IGLL5: variants seen among roughly 807,000 people sequenced by gnomAD.
IGLL5 encodes the protein immunoglobulin lambda-like polypeptide 5.
IGLL5 carries 30 observed loss-of-function variants against 20.9 expected under a neutral mutation model. The ratio of observed to expected loss-of-function variants is 1.44; its 90% CI spans 1.07 to 1.95. IGLL5 has a LOEUF of 1.95. IGLL5 is among the 30% of genes most tolerant of loss of function. IGLL5 has a pLI of 0.00. For synonymous variants in IGLL5, 203 were observed against 117.3 expected (o/e 1.73, Z -4.72); for missense variants, 475 against 270.7 (o/e 1.75, Z -5.30).
chr22:22,894,013 C>CGCCTTCA, intron 2 of IGLL5, among the ~76,000 whole-genome samples, 195 bp downstream of exon 2: 1 of 151,566 alleles, frequency 6.6e-6, no homozygotes, highest in South Asian at 2.1e-4. Context: ...TGGGAGCAGC[C>CGCCTTCA]GGATGCAGCC....
intron 1 of IGLL5, among the ~76,000 whole-genome samples, chr22:22,888,850 C>T (rs142142708): frequency 1.4e-4 from 21 of 151,318 alleles, no homozygotes; most frequent in Middle Eastern, 3.7e-3. Flanking sequence ...ATGTTTGGAG[C>T]AATAAAGGGA....
chr22:22,894,195 G>A (rs1601624418), intron 2 of IGLL5, among the ~76,000 whole-genome samples: 4 of 151,472 alleles, frequency 2.6e-5, no homozygotes, highest in East Asian at 2.0e-4. Context: ...GGGTGGGCCT[G>A]GGAGCTGCTG....
intron 1 of IGLL5, among the ~76,000 whole-genome samples, chr22:22,889,034 G>A (rs1601605725): frequency 1.3e-5 from 2 of 151,416 alleles, no homozygotes; most frequent in Admixed American, 6.6e-5. Context: ...TAGGGTCCGT[G>A]CACCATTCCC....
chr22:22,894,699 A>T (rs2066684349), intron 2 of IGLL5, among the ~76,000 whole-genome samples: 2 of 151,354 alleles, frequency 1.3e-5, no homozygotes, highest in Admixed American at 6.6e-5. Context: ...GCTGAGTCTC[A>T]TAGTCTGTGG....
chr22:22,888,200 C>G lies in IGLL5; in HGVS notation c.147C>G (p.Asp49Glu), dbSNP rs772823018. ...CAATGGTTGCACCGCAAAGCGGGGA[C>G]CCAGACCCTGGAGCCTCAGTTGGAA... ...LRPMVAPQSG[D>E]PDPGASVGSS... Residue 49 changes from aspartate (D) to glutamate (E), a missense_variant, in exon 1 of 3, where the codon GAC becomes GAG. Asp to Glu is a conservative substitution (Grantham distance 45). Coordinates refer to ENST00000526893, the MANE Select transcript of IGLL5 (RefSeq NM_001178126.2). 6.5e-7 allele frequency: 1 copy of G among 1,548,726 alleles called. No individual in the cohort carries two copies. The highest frequency in any genetic ancestry group is 2.0e-5 in the Admixed American group (1 of 50,808).
Position 22,888,057 on chromosome 22 carries a change from A to G in IGLL5, c.4A>G (p.Arg2Gly), listed in dbSNP as rs754569029. The G allele has an allele frequency of 1.3e-6, 2 of 1,549,136 alleles. No individual in the cohort carries two copies. Among genetic ancestry groups the G allele is most frequent in the African/African-American group, 1.4e-5 (1 of 72,908 alleles). The change falls in exon 1 of 3, where the codon AGA (arginine) becomes GGA (glycine). Residue 2 changes from arginine (R) to glycine (G), a missense_variant. Physicochemically the swap from Arg to Gly is moderately radical, Grantham distance 125 (BLOSUM62 -2). Transcript: ENST00000526893. ...GTGCCCCTGAACCTGAAGGCCAATG[A>G]GACCCAAGACAGGCCAAGTGGGTTG... M[R>G]PKTGQVGCET... is the part of the protein sequence containing the mutation.
intron 1 of IGLL5, among the ~76,000 whole-genome samples, chr22:22,891,959 C>T (rs1480688795): frequency 2.6e-5 from 4 of 151,034 alleles, no homozygotes; most frequent in Admixed American, 6.6e-5. Context: ...TTGCCAAGAA[C>T]AATTTTCTCT....
At chr22:22,890,770 GC>G (rs1478645945) in intron 1 of IGLL5, among the ~76,000 whole-genome samples, 7 of 150,956 alleles carry the variant, frequency 4.6e-5, no homozygotes, top group African/African-American at 1.5e-4. Flanking sequence ...TACCAATAAT[GC>G]AAAATTGTTG....
intron 1 of IGLL5, among the ~76,000 whole-genome samples, chr22:22,888,573 A>T (rs1464446210): frequency 2.0e-5 from 3 of 151,358 alleles, no homozygotes; most frequent in South Asian, 2.1e-4. Flanking sequence ...AGGCAGGGAC[A>T]GGACATCCAC....
At chr22:22,891,797 T>C (rs2067855643) in intron 1 of IGLL5, among the ~76,000 whole-genome samples, 1 of 151,286 alleles carries the variant, frequency 6.6e-6, no homozygotes, top group Non-Finnish European at 1.5e-5. Context: ...ATATCGTAAA[T>C]GATTACTGTT....
At chr22:22,888,300 G>C (rs571814878) in intron 1 of IGLL5, 41 bp downstream of exon 1, 2 of 1,533,350 alleles carry the variant, frequency 1.3e-6, no homozygotes, top group Admixed American at 2.0e-5. Flanking sequence ...GGGTCCTGCA[G>C]CAGAGCTGGG....
At chr22:22,893,978 T>A (rs2067960424) in intron 2 of IGLL5, among the ~76,000 whole-genome samples, 160 bp downstream of exon 2, 5 of 151,260 alleles carry the variant, frequency 3.3e-5, no homozygotes, top group East Asian at 4.0e-4. Context: ...AGTCTCCGGG[T>A]AACCGGCAGG....
intron 1 of IGLL5, 62 bp downstream of exon 1, chr22:22,888,321 C>G (rs1055004924): frequency 2.7e-6 from 4 of 1,463,142 alleles, no homozygotes; most frequent in East Asian, 2.5e-5. Flanking sequence ...AAAGGGTGAC[C>G]AAGGGGAGAC....
At chr22:22,895,180 G>T (rs1357094521) in intron 2 of IGLL5, among the ~76,000 whole-genome samples, 195 bp from the exon 3 acceptor site, 2 of 151,284 alleles carry the variant, frequency 1.3e-5, no homozygotes, top group African/African-American at 4.9e-5. Context: ...ACTTGGGAGG[G>T]CTCCTAGGAA....
At chr22:22,893,980 A>AGTG in intron 2 of IGLL5, among the ~76,000 whole-genome samples, 162 bp downstream of exon 2, 1 of 151,142 alleles carries the variant, frequency 6.6e-6, no homozygotes, top group Non-Finnish European at 1.5e-5. Context: ...TCTCCGGGTA[A>AGTG]CCGGCAGGAA....
At chr22:22,894,753 G>T (rs577908137) in intron 2 of IGLL5, among the ~76,000 whole-genome samples, 1 of 151,338 alleles carries the variant, frequency 6.6e-6, no homozygotes, top group South Asian at 2.1e-4. Context: ...CTGTGGTCGG[G>T]CTTGTGGAGA....
At chr22:22,891,682 A>G (rs896081931) in intron 1 of IGLL5, among the ~76,000 whole-genome samples, 1 of 151,258 alleles carries the variant, frequency 6.6e-6, no homozygotes, top group Non-Finnish European at 1.5e-5. Flanking sequence ...CACTCAGATA[A>G]GTGGTTTAAT....
intron 2 of IGLL5, among the ~76,000 whole-genome samples, chr22:22,894,196 G>A (rs565362654): frequency 3.3e-5 from 5 of 151,454 alleles, no homozygotes; most frequent in Admixed American, 6.6e-5. Flanking sequence ...GGTGGGCCTG[G>A]GAGCTGCTGA....
intron 1 of IGLL5, among the ~76,000 whole-genome samples, chr22:22,892,209 A>G (rs554620025): frequency 5.3e-5 from 8 of 151,360 alleles, no homozygotes; most frequent in East Asian, 2.0e-4. Flanking sequence ...CTTTCTTTAT[A>G]TGAGAAACAA....
Sources: gnomAD v4.1 joint callset for allele counts (sites outside exome capture counted in the v4.1 genomes callset) on GRCh38, gnomAD v4.1.1 for gene constraint, MANE v1.5 for transcripts, NCBI Gene and HGNC (gene_info 2026-07-23, HGNC 2026-07-21) for gene names.